Variants in UMPS observed in about 807,000 individuals in gnomAD.
The protein encoded by UMPS is uridine 5'-monophosphate synthase.
In UMPS, 21 loss-of-function variants were observed where a neutral mutation model predicts 38.9. The ratio of observed to expected loss-of-function variants is 0.54; its 90% CI spans 0.38 to 0.78. The LOEUF is 0.78. Ranked by LOEUF, UMPS falls within the 30% of genes least tolerant of loss-of-function variation. The pLI is 0.00. For missense variants in UMPS, 533 were observed against 591.6 expected (o/e 0.90, Z 1.03); for synonymous variants, 208 against 219.3 (o/e 0.95, Z 0.45).
rs577686571 is a variant in UMPS at position 124,744,513 on chromosome 3, A to T, written c.*429A>T. ...CATTGCAGCCTCGACCTCCCAGGTGATCCTCCCACCTCAGCTTCCAGATTA... is the reference window on the plus strand; with the variant it reads ...CATTGCAGCCTCGACCTCCCAGGTGTTCCTCCCACCTCAGCTTCCAGATTA... On this transcript the variant is annotated 3_prime_UTR_variant, in exon 6 of 6. Transcript: ENST00000232607. 3 of 453,902 alleles carry T rather than the reference A, an allele frequency of 6.6e-6. No homozygotes were observed. Among genetic ancestry groups the T allele is most frequent in the South Asian group, 4.7e-5 (3 of 64,448 alleles). 28.1% of individuals were successfully genotyped at this position (453,902 alleles called of 1,614,324 possible). A position where few individuals can be genotyped will look rare whatever the true frequency, so the allele number is the denominator to read the frequency against.
rs1411226447 is a variant in UMPS at position 124,744,124 on chromosome 3, TGA to T, written c.*41_*42del. 1 of 1,608,796 alleles carries T rather than the reference TGA, an allele frequency of 6.2e-7. No individual in the cohort carries two copies. The highest frequency in any genetic ancestry group is 8.5e-7 in the Non-Finnish European group (1 of 1,176,266). ...TTTTTCAGATACAATGTGAAGACAT[TGA>T]AGATATGTGGTCCTCCTGAAAGTCA... is the stretch of plus-strand genomic sequence containing the variant. On this transcript the variant is annotated 3_prime_UTR_variant, in exon 6 of 6. Transcript: ENST00000232607.
In UMPS at chr3:124,746,784, T is replaced by TGC. The variant is rs761162406; in HGVS notation, c.*2701_*2702insCG. On this transcript the variant is annotated 3_prime_UTR_variant, in exon 6 of 6. Transcript: ENST00000232607. The stretch of plus-strand genomic sequence containing the variant: ...GTGTGTGTGTGTGTGTGTGTGTGTG[T>TGC]GTGTGTGTGTGTGCATGCGCGCGCG... 5.3e-6 allele frequency: 2 copies of TGC among 375,016 alleles called. No individual in the cohort carries two copies. Among genetic ancestry groups the TGC allele is most frequent in the African/African-American group, 5.2e-5 (2 of 38,502 alleles). The allele number at this position is 375,016 out of a possible 1,614,324, so 23.2% of individuals were successfully genotyped here. A position where few individuals can be genotyped will look rare whatever the true frequency, so the allele number is the denominator to read the frequency against.
At position 124,742,286 on chromosome 3, in the gene UMPS, G is replaced by A. The variant is rs1398162070; in HGVS notation, c.1273+20G>A. 7.6e-6 allele frequency: 12 copies of A among 1,578,116 alleles called. No homozygotes were observed. The Admixed American group carries it at 1.5e-4, about 20-fold the overall frequency. The stretch of plus-strand genomic sequence containing the variant: ...CAGGAGGTAAATCTGGTCACTGGTC[G>A]TGGCTCTTCCAAAAATGCTTCTTTA... On this transcript the variant is annotated intron_variant, in intron 5 of 5. Coordinates refer to ENST00000232607, the MANE Select transcript of UMPS (RefSeq NM_000373.4).
At chr3:124,736,777 G>A (rs1385594632) in intron 2 of UMPS, among the ~76,000 whole-genome samples, 1 of 152,144 alleles carries the variant, frequency 6.6e-6, no homozygotes, top group East Asian at 1.9e-4. Context: ...CTTACCAGTT[G>A]TTCAAGAAGC....
chr3:124,734,286 G>T (rs1314370472), intron 1 of UMPS, among the ~76,000 whole-genome samples: 4 of 152,040 alleles, frequency 2.6e-5, no homozygotes, highest in African/African-American at 7.3e-5. Context: ...GTGGTCTTGG[G>T]TGGGAATATG....
In UMPS at chr3:124,744,782, CTCTG is replaced by C. The variant is rs1265503653; in HGVS notation, c.*702_*705del. ...CACAGCTTTTCTTGTGTCCTGTATT[CTCTG>C]TCTAATGTGTTGCCCAAATAATACC... On this transcript the variant is annotated 3_prime_UTR_variant, in exon 6 of 6. Transcript: ENST00000232607. 6.6e-6 allele frequency: 3 copies of C among 454,130 alleles called. No individual in the cohort carries two copies. The highest frequency in any genetic ancestry group is 6.9e-4 in the Middle Eastern group (1 of 1,444). The allele number at this position is 454,130 out of a possible 1,614,324, so 28.1% of individuals were successfully genotyped here.
chr3:124,748,883 A>AGC lies in UMPS; in HGVS notation c.*4800_*4801insCG, dbSNP rs1233155882. ...CTGAAAAGGGCATGGGAGTTAGCTG[A>AGC]GAAGCAGACCTGGTGGGCCTGAGAG... On this transcript the variant is annotated 3_prime_UTR_variant, in exon 6 of 6. Coordinates refer to ENST00000232607, the MANE Select transcript of UMPS (RefSeq NM_000373.4). The AGC allele has an allele frequency of 2.3e-6, 1 of 437,378 alleles. No individual in the cohort carries two copies. The highest frequency in any genetic ancestry group is 7.0e-5 in the East Asian group (1 of 14,220). 27.1% of individuals were successfully genotyped at this position (437,378 alleles called of 1,614,324 possible).
At chr3:124,731,969 T>A (rs987543187) in intron 1 of UMPS, among the ~76,000 whole-genome samples, 65 of 89,444 alleles carry the variant, frequency 7.3e-4, no homozygotes, top group African/African-American at 1.9e-3. Context: ...AAATTAAAAA[T>A]TTTTTTTTTT....
Position 124,730,483 on chromosome 3 carries a change from T to C in UMPS, c.12T>C (p.Ala4=), listed in dbSNP as rs916715340. 1 of 1,614,052 alleles carries C rather than the reference T, an allele frequency of 6.2e-7. No homozygotes were observed. Among genetic ancestry groups the C allele is most frequent in the African/African-American group, 1.3e-5 (1 of 74,924 alleles). MAV[A]RAALGPLVTG... Reference sequence around the variant, plus strand: ...GGCAGCGCGCGACAATGGCGGTCGCTCGTGCAGCTTTGGGGCCATTGGTGA... The same window carrying C: ...GGCAGCGCGCGACAATGGCGGTCGCCCGTGCAGCTTTGGGGCCATTGGTGA... The change falls in exon 1 of 6, where the codon GCT becomes GCC. Residue 4 remains alanine, a synonymous_variant. Transcript: ENST00000232607.
chr3:124,747,169 C>A lies in UMPS; in HGVS notation c.*3085C>A, dbSNP rs931273841. The A allele has an allele frequency of 6.6e-6, 3 of 453,880 alleles. No homozygotes were observed. Among genetic ancestry groups the A allele is most frequent in the South Asian group, 4.7e-5 (3 of 64,452 alleles). 28.1% of individuals were successfully genotyped at this position (453,880 alleles called of 1,614,324 possible). ...CCTCTCGAGTGGCTGGAACTACAGG[C>A]GTGCACCACCACAGCTGGTTAATTT... On this transcript the variant is annotated 3_prime_UTR_variant, in exon 6 of 6. Transcript: ENST00000232607.
In UMPS at chr3:124,747,237, A is replaced by G. The variant is rs1242400547; in HGVS notation, c.*3153A>G. ...GACGGTGGAGGAGGTTCTCACTGTG[A>G]CTCAGTGTGTGCCCGACAGCAGAGC... On this transcript the variant is annotated 3_prime_UTR_variant, in exon 6 of 6. Transcript: ENST00000232607. 1 of 451,724 alleles carries G rather than the reference A, an allele frequency of 2.2e-6. No individual in the cohort carries two copies. The highest frequency in any genetic ancestry group is 2.4e-5 in the Admixed American group (1 of 42,352). The allele number at this position is 451,724 out of a possible 1,614,324, so 28.0% of individuals were successfully genotyped here. A position where few individuals can be genotyped will look rare whatever the true frequency, so the allele number is the denominator to read the frequency against.
chr3:124,748,393 C>G lies in UMPS; in HGVS notation c.*4309C>G. ...GTTACCCTGCAATCCCTTTGTTTTC[C>G]CCATAACCCTTCCAAAGGAAGGCCG... On this transcript the variant is annotated 3_prime_UTR_variant, in exon 6 of 6. Coordinates refer to ENST00000232607, the MANE Select transcript of UMPS (RefSeq NM_000373.4). The G allele has an allele frequency of 2.2e-6, 1 of 453,906 alleles. No individual in the cohort carries two copies. Among genetic ancestry groups the G allele is most frequent in the Non-Finnish European group, 4.4e-6 (1 of 226,758 alleles). 28.1% of individuals were successfully genotyped at this position (453,906 alleles called of 1,614,324 possible).
intron 2 of UMPS, 93 bp downstream of exon 2, chr3:124,735,339 G>C: frequency 8.5e-7 from 1 of 1,172,910 alleles, no homozygotes. Context: ...TGTTTTACCA[G>C]TCATCTTGAG....
chr3:124,738,181 GAT>G lies in UMPS; in HGVS notation c.927_928del (p.Phe310Ter). On this transcript the variant is annotated frameshift_variant, in exon 3 of 6. Coordinates refer to ENST00000232607, the MANE Select transcript of UMPS (RefSeq NM_000373.4). LOFTEE classifies it high-confidence loss of function. ...CTCTGGCAAAATGCCATGAGTTCTT[GAT>G]ATTTGAAGACCGGAAGTTTGCAGAT... is the stretch of plus-strand genomic sequence containing the variant. ...ITLAKCHEFL[I>X]FEDRKFADIG... The G allele has an allele frequency of 6.2e-7, 1 of 1,614,166 alleles. No individual in the cohort carries two copies. Among genetic ancestry groups the G allele is most frequent in the Non-Finnish European group, 8.5e-7 (1 of 1,180,030 alleles).
At position 124,735,208 on chromosome 3, in the gene UMPS, T is replaced by C. The variant is rs758179825; in HGVS notation, c.272T>C (p.Ile91Thr). 6.2e-7 allele frequency: 1 copy of C among 1,613,858 alleles called. No individual in the cohort carries two copies. Reference protein sequence around the residue: ...LATVICSTNQIPMLIRRKETK... With the variant: ...LATVICSTNQTPMLIRRKETK... ...ACAGTTATCTGTTCAACCAATCAAATTCCAATGCTTATTAGAAGGAAAGAA... is the reference window on the plus strand; with the variant it reads ...ACAGTTATCTGTTCAACCAATCAAACTCCAATGCTTATTAGAAGGAAAGAA... The change falls in exon 2 of 6, where the codon ATT becomes ACT. Residue 91 changes from isoleucine (I) to threonine (T), a missense_variant. Ile to Thr is a moderately conservative substitution (Grantham distance 89, BLOSUM62 -1). Coordinates refer to ENST00000232607, the MANE Select transcript of UMPS (RefSeq NM_000373.4).
Position 124,744,948 on chromosome 3 carries a change from C to T in UMPS, c.*864C>T. ...GAAGGGGAAGGTGACTATAGCTCAG[C>T]TCCTGAGCTAGTATCTGGCTGTTAT... On this transcript the variant is annotated 3_prime_UTR_variant, in exon 6 of 6. Coordinates refer to ENST00000232607, the MANE Select transcript of UMPS (RefSeq NM_000373.4). 1 of 454,050 alleles carries T rather than the reference C, an allele frequency of 2.2e-6. No individual in the cohort carries two copies. Among genetic ancestry groups the T allele is most frequent in the Non-Finnish European group, 4.4e-6 (1 of 226,772 alleles). 28.1% of individuals were successfully genotyped at this position (454,050 alleles called of 1,614,324 possible). A position where few individuals can be genotyped will look rare whatever the true frequency, so the allele number is the denominator to read the frequency against.
rs1341181475 is a variant in UMPS at position 124,737,431 on chromosome 3, A to C, written c.311-137A>C. 10 of 772,772 alleles carry C rather than the reference A, an allele frequency of 1.3e-5. No homozygotes were observed. In the African/African-American group the frequency reaches 1.6e-4, roughly 12 times the overall value. The allele number at this position is 772,772 out of a possible 1,614,324, so 47.9% of individuals were successfully genotyped here. A position where few individuals can be genotyped will look rare whatever the true frequency, so the allele number is the denominator to read the frequency against. Reference sequence around the variant, plus strand: ...AAATATACTGTATGTGCAACTAGCAAGTTTGGTATACAGAATTGGTATACA... The same window carrying C: ...AAATATACTGTATGTGCAACTAGCACGTTTGGTATACAGAATTGGTATACA... On this transcript the variant is annotated intron_variant, in intron 2 of 5. Transcript: ENST00000232607.
Position 124,737,652 on chromosome 3 carries a change from T to C in UMPS, c.395T>C (p.Val132Ala). 1 of 1,614,170 alleles carries C rather than the reference T, an allele frequency of 6.2e-7. No homozygotes were observed. The highest frequency in any genetic ancestry group is 8.5e-7 in the Non-Finnish European group (1 of 1,180,046). The change falls in exon 3 of 6, where the codon GTT becomes GCT. Residue 132 changes from valine to alanine, a missense_variant. Val to Ala is a moderately conservative substitution (Grantham distance 64). Coordinates refer to ENST00000232607, the MANE Select transcript of UMPS (RefSeq NM_000373.4). ...IEDVVTSGSSVLETVEVLQKE... is the reference protein window; with the variant it reads ...IEDVVTSGSSALETVEVLQKE... ...GATGTTGTCACCAGTGGATCTAGTG[T>C]TTTGGAAACTGTTGAGGTTCTTCAG...
rs2063583019 is a variant in UMPS at position 124,744,627 on chromosome 3, C to T, written c.*543C>T. The T allele has an allele frequency of 2.2e-6, 1 of 453,572 alleles. No individual in the cohort carries two copies. The highest frequency in any genetic ancestry group is 6.9e-5 in the East Asian group (1 of 14,390). 28.1% of individuals were successfully genotyped at this position (453,572 alleles called of 1,614,324 possible). A position where few individuals can be genotyped will look rare whatever the true frequency, so the allele number is the denominator to read the frequency against. On this transcript the variant is annotated 3_prime_UTR_variant, in exon 6 of 6. Coordinates refer to ENST00000232607, the MANE Select transcript of UMPS (RefSeq NM_000373.4). ...GTCTTGCCATGTTACCCAGGCTGGT[C>T]TCAACTCCTGGGCTCAAGCGATCCT...
Sources: allele counts gnomAD v4.1 joint callset (sites outside exome capture counted in the v4.1 genomes callset), GRCh38; gene constraint gnomAD v4.1.1; transcripts MANE v1.5; gene names NCBI Gene and HGNC (gene_info 2026-07-23, HGNC 2026-07-21).